The following ADCY2 variants were observed in gnomAD, a reference collection of about 807,000 sequenced individuals.
The protein encoded by ADCY2 is adenylate cyclase 2, also known as adenylate cyclase type 2.
In ADCY2, 31 loss-of-function variants were observed where a neutral mutation model predicts 125.2. That is an observed-to-expected ratio of 0.25 (90% CI 0.19 to 0.33). The LOEUF (loss-of-function observed/expected upper bound fraction) is 0.33, where lower values mean the gene tolerates loss of function less well. ADCY2 is among the 10% of genes least tolerant of loss of function. The probability of loss-of-function intolerance (pLI) is 1.00; values close to 1 mark genes in which losing one functional copy is unlikely to be tolerated. For missense variants in ADCY2, 904 were observed against 1,418.2 expected (o/e 0.64, Z 5.82); for synonymous variants, 512 against 548.4 (o/e 0.93, Z 0.93).
intron 2 of ADCY2, among the ~76,000 whole-genome samples, chr5:7,444,084 C>G (rs190852115): frequency 1.3e-5 from 2 of 149,850 alleles, no homozygotes; most frequent in Non-Finnish European, 3.0e-5. Context: ...TTTTGGTGAA[C>G]AGTTCTGCTG....
At chr5:7,579,040 A>G (rs1276339645) in intron 3 of ADCY2, among the ~76,000 whole-genome samples, 2 of 152,232 alleles carry the variant, frequency 1.3e-5, no homozygotes, top group Non-Finnish European at 2.9e-5. Context: ...GATAAGTCTT[A>G]GGAAAGTCAT....
chr5:7,712,261 A>T (rs964730675), intron 10 of ADCY2, among the ~76,000 whole-genome samples: 2 of 152,174 alleles, frequency 1.3e-5, no homozygotes, highest in Admixed American at 6.5e-5. Context: ...AAAGCCTATT[A>T]TTGAATATTT....
rs1034320881 is a variant in ADCY2 at position 7,828,267 on chromosome 5, T to C, written c.*1396T>C. On this transcript the variant is annotated 3_prime_UTR_variant, in exon 25 of 25. Coordinates refer to ENST00000338316, the MANE Select transcript of ADCY2 (RefSeq NM_020546.3). Reference sequence around the variant, plus strand: ...ATCTGTAAGAAGTAGAGAACCCAGATGATCTCTTAGGAAGCCTTTTATTCG... The same window carrying C: ...ATCTGTAAGAAGTAGAGAACCCAGACGATCTCTTAGGAAGCCTTTTATTCG... 3.3e-5 allele frequency: 5 copies of C among 152,796 alleles called. No individual in the cohort carries two copies. Among genetic ancestry groups the C allele is most frequent in the African/African-American group, 1.2e-4 (5 of 41,466 alleles). The allele number at this position is 152,796 out of a possible 1,614,324, so 9.5% of individuals were successfully genotyped here.
intron 4 of ADCY2, among the ~76,000 whole-genome samples, chr5:7,669,460 G>C (rs1298570047): frequency 6.6e-6 from 1 of 152,138 alleles, no homozygotes; most frequent in Non-Finnish European, 1.5e-5. Context: ...TGAGAGATGA[G>C]AATCCAGATC....
At chr5:7,767,718 C>T (rs894403315) in intron 17 of ADCY2, among the ~76,000 whole-genome samples, 9 of 152,114 alleles carry the variant, frequency 5.9e-5, no homozygotes, top group African/African-American at 2.2e-4. Flanking sequence ...GGGAAGCTCA[C>T]AGCTCCATGC....
intron 18 of ADCY2, among the ~76,000 whole-genome samples, chr5:7,778,279 A>G (rs534199886): frequency 6.6e-6 from 1 of 152,316 alleles, no homozygotes; most frequent in Admixed American, 6.5e-5. Flanking sequence ...CAGAACTGAA[A>G]AGTCTCAAGG....
At chr5:7,757,698 T>C (rs78533158) in intron 16 of ADCY2, 112 bp downstream of exon 16, 27 of 1,397,188 alleles carry the variant, frequency 1.9e-5, no homozygotes, top group Non-Finnish European at 2.4e-5. Flanking sequence ...CCCCACACCA[T>C]AGCTGTGTTC....
chr5:7,688,302 C>T (rs565057360), intron 4 of ADCY2, among the ~76,000 whole-genome samples: 5 of 151,414 alleles, frequency 3.3e-5, no homozygotes, highest in South Asian at 2.1e-4. Context: ...GAGTCTCACT[C>T]TGTTGCCCAG....
intron 4 of ADCY2, among the ~76,000 whole-genome samples, chr5:7,653,149 A>G (rs967023150): frequency 2.6e-5 from 4 of 152,274 alleles, no homozygotes; most frequent in African/African-American, 9.6e-5. Flanking sequence ...CAGGAGTTAC[A>G]TTTTATGCTA....
At position 7,528,461 on chromosome 5, in the gene ADCY2, C is replaced by T. The variant is rs146882233; in HGVS notation, c.570+7562C>T. ...TAGGTTCATTTTCAGCATTTTGGAG[C>T]TGTTTTGTGGAGGGCATTGGGAGAA... On this transcript the variant is annotated intron_variant, in intron 3 of 24. Coordinates refer to ENST00000338316, the MANE Select transcript of ADCY2 (RefSeq NM_020546.3). 2.5e-3 allele frequency among the ~76,000 whole-genome samples: 384 copies of T among 152,228 alleles called. 2 individuals carry two copies. The highest frequency in any genetic ancestry group is 3.6e-3 in the Non-Finnish European group (247 of 68,016).
chr5:7,820,630 G>T lies in ADCY2; in HGVS notation c.3064G>T (p.Gly1022Cys), dbSNP rs1745267888. The change falls in exon 24 of 25, where the codon GGC becomes TGC. Residue 1022 changes from glycine to cysteine, a missense_variant. This residue lies in a region of ADCY2 where 181 missense variants were observed against 381.6 expected (regional missense o/e 0.47). Coordinates refer to ENST00000338316, the MANE Select transcript of ADCY2 (RefSeq NM_020546.3). ...TCAGAAGCCACAATATGATATCTGG[G>T]GCAACACTGTCAATGTGGCCAGTAG... Reference protein sequence around the residue: ...GAQKPQYDIWGNTVNVASRMD... With the variant: ...GAQKPQYDIWCNTVNVASRMD... 1 of 1,613,984 alleles carries T rather than the reference G, an allele frequency of 6.2e-7. No individual in the cohort carries two copies. The highest frequency in any genetic ancestry group is 1.3e-5 in the African/African-American group (1 of 74,912).
rs138501933 is a variant in ADCY2, at chr5:7,768,469, T to G, written c.2214+1663T>G. On this transcript the variant is annotated intron_variant, in intron 17 of 24. Transcript: ENST00000338316. ...GAGTGCACCGACCAAACAGTCCCCC[T>G]TTCGCATTCACGTGGCACTTTGAGT... Among the ~76,000 whole-genome samples the G allele has an allele frequency of 3.4e-4, 52 of 152,278 alleles. 1 individual carries two copies. In the East Asian group the frequency reaches 0.01, roughly 29 times the overall value.
At chr5:7,722,909 G>A (rs2126390150) in intron 12 of ADCY2, among the ~76,000 whole-genome samples, 1 of 133,770 alleles carries the variant, frequency 7.5e-6, no homozygotes, top group Non-Finnish European at 1.5e-5. Flanking sequence ...GCAGTGAGAT[G>A]AGATCACACC....
At chr5:7,471,567 A>G (rs1742338731) in intron 2 of ADCY2, among the ~76,000 whole-genome samples, 1 of 151,984 alleles carries the variant, frequency 6.6e-6, no homozygotes, top group South Asian at 2.1e-4. Flanking sequence ...CTACAAATCT[A>G]TAATATGTGG....
Position 7,724,616 on chromosome 5 carries a change from T to C in ADCY2, c.1773+2T>C. The C allele has an allele frequency of 6.4e-7, 1 of 1,567,160 alleles. No individual in the cohort carries two copies. Among genetic ancestry groups the C allele is most frequent in the Non-Finnish European group, 8.6e-7 (1 of 1,158,960 alleles). On this transcript the variant is annotated splice_donor_variant, in intron 13 of 24. Transcript: ENST00000338316. LOFTEE classifies it high-confidence loss of function. ...TATAACAAAGTACTAGAAAAAGAGG[T>C]AAGTTTTTTTCTTCTTCAAAATCAT...
chr5:7,582,673 T>C (rs1736474877), intron 3 of ADCY2, among the ~76,000 whole-genome samples: 1 of 152,124 alleles, frequency 6.6e-6, no homozygotes, highest in South Asian at 2.1e-4. Flanking sequence ...CATGGCAAAA[T>C]TTAACCCTCC....
intron 3 of ADCY2, among the ~76,000 whole-genome samples, chr5:7,568,525 G>A (rs1281251117): frequency 6.6e-6 from 1 of 151,990 alleles, no homozygotes. Flanking sequence ...GTTTAATGGT[G>A]GAATTTCTCA....
intron 3 of ADCY2, among the ~76,000 whole-genome samples, chr5:7,545,800 T>C (rs1735130611): frequency 6.6e-6 from 1 of 152,122 alleles, no homozygotes; most frequent in Admixed American, 6.5e-5. Context: ...TTCCCACAAT[T>C]GCACTTCCCA....
At chr5:7,736,761 G>T (rs1246536767) in intron 14 of ADCY2, among the ~76,000 whole-genome samples, 1 of 151,854 alleles carries the variant, frequency 6.6e-6, no homozygotes, top group African/African-American at 2.4e-5. Flanking sequence ...GGAAACAAAG[G>T]CCTATATAAT....
Sources: gnomAD v4.1 joint callset for allele counts (sites outside exome capture counted in the v4.1 genomes callset) on GRCh38, gnomAD v4.1.1 for gene constraint, gnomAD v4.1.1 regional missense constraint, MANE v1.5 for transcripts, NCBI Gene and HGNC (gene_info 2026-07-23, HGNC 2026-07-21) for gene names.